Variants in KAZN observed in about 807,000 individuals in gnomAD.
KAZN encodes kazrin.
Under a neutral mutation model 87.4 loss-of-function variants are expected in KAZN, and 40 were observed. The observed-to-expected ratio is 0.46, with a 90% confidence interval of 0.36 to 0.60. The LOEUF (loss-of-function observed/expected upper bound fraction) is 0.60, where lower values mean the gene tolerates loss of function less well. Among genes scored for constraint, KAZN ranks in the 20% least tolerant of loss-of-function variants. The pLI is 0.00. For synonymous variants in KAZN, 466 were observed against 458.3 expected (o/e 1.02, Z -0.22); for missense variants, 898 against 1,073.9 (o/e 0.84, Z 2.29).
At chr1:14,311,399 A>G (rs560694949) in intron 2 of KAZN, among the ~76,000 whole-genome samples, 15 of 152,346 alleles carry the variant, frequency 9.8e-5, no homozygotes, top group African/African-American at 3.4e-4. Context: ...TAAGTTCCCA[A>G]TAAGATGCTT....
At chr1:13,932,102 C>T (rs1640540620) in intron 1 of KAZN, among the ~76,000 whole-genome samples, 1 of 151,072 alleles carries the variant, frequency 6.6e-6, no homozygotes, top group Non-Finnish European at 1.5e-5. Flanking sequence ...AAGTGATACA[C>T]CTGCCTCAGT....
At position 14,949,889 on chromosome 1, in the gene KAZN, A is replaced by G. The variant is rs1001552293; in HGVS notation, c.227-10795A>G. On this transcript the variant is annotated intron_variant, in intron 1 of 14. Transcript: ENST00000376030. This position sits in a 1 kb window ranked among gnomAD's most constrained non-coding sequence, Gnocchi z 4.3. Reference sequence around the variant, plus strand: ...CTCCCCATGGGAACTCTGGGCAGCAAGATGGTAGAAGAGGATCCGCTTGGC... The same window carrying G: ...CTCCCCATGGGAACTCTGGGCAGCAGGATGGTAGAAGAGGATCCGCTTGGC... 1.3e-5 allele frequency among the ~76,000 whole-genome samples: 2 copies of G among 152,062 alleles called. No homozygotes were observed. Among genetic ancestry groups the G allele is most frequent in the African/African-American group, 4.8e-5 (2 of 41,392 alleles).
At chr1:14,460,237 C>T (rs978158650) in intron 2 of KAZN, among the ~76,000 whole-genome samples, 1 of 152,228 alleles carries the variant, frequency 6.6e-6, no homozygotes, top group African/African-American at 2.4e-5. Context: ...TAGTTCCCCT[C>T]TGACTTTTCT....
intron 8 of KAZN, among the ~76,000 whole-genome samples, chr1:15,070,836 G>A (rs2100590181): frequency 6.6e-6 from 1 of 152,184 alleles, no homozygotes; most frequent in South Asian, 2.1e-4. Context: ...GTGAGACCCT[G>A]TCTATTATTT....
Position 14,058,805 on chromosome 1 carries a change from C to T in KAZN, c.92-121630C>T, listed in dbSNP as rs371155679. On this transcript the variant is annotated intron_variant, in intron 1 of 16. Transcript: ENST00000636203. ...AGGTCTCTCTGAGATGATATTTAAG[C>T]TAATATTTGCAGGATGAAAAGGAAC... 3.3e-5 allele frequency among the ~76,000 whole-genome samples: 5 copies of T among 152,272 alleles called. No individual in the cohort carries two copies. In the East Asian group the frequency reaches 7.7e-4, roughly 24 times the overall value.
At chr1:13,968,806 C>A (rs1166344388) in intron 1 of KAZN, among the ~76,000 whole-genome samples, 1 of 127,052 alleles carries the variant, frequency 7.9e-6, no homozygotes, top group East Asian at 3.1e-4. Flanking sequence ...ATTTGAACAT[C>A]TACTCTACAT....
chr1:14,549,083 T>TGATCTTATA (rs1264808878), intron 2 of KAZN, among the ~76,000 whole-genome samples: 8 of 152,278 alleles, frequency 5.3e-5, no homozygotes, highest in African/African-American at 1.9e-4. Context: ...TTTGGTATAC[T>TGATCTTATA]GATCTTATAA....
intron 2 of KAZN, among the ~76,000 whole-genome samples, chr1:14,316,495 A>AT (rs912770462): frequency 8.6e-5 from 13 of 151,632 alleles, no homozygotes; most frequent in African/African-American, 2.7e-4. Flanking sequence ...AACTTTATTG[A>AT]TTTTTTAAAG....
chr1:14,359,105 C>T (rs1033789749), intron 2 of KAZN, among the ~76,000 whole-genome samples: 5 of 152,094 alleles, frequency 3.3e-5, no homozygotes, highest in African/African-American at 4.8e-5. Context: ...TCTGGGTGCT[C>T]CTGTATTGGG....
intron 2 of KAZN, among the ~76,000 whole-genome samples, chr1:14,507,484 G>A (rs1003275915): frequency 4.6e-5 from 7 of 152,186 alleles, no homozygotes; most frequent in Non-Finnish European, 1.0e-4. Flanking sequence ...AAGACCTAAA[G>A]AGCCTGTATT....
intron 2 of KAZN, among the ~76,000 whole-genome samples, chr1:14,526,679 C>T (rs1457789116): frequency 6.6e-6 from 1 of 150,968 alleles, no homozygotes; most frequent in Non-Finnish European, 1.5e-5. Flanking sequence ...TTTTTAAACA[C>T]ATCCCTTGCA....
At chr1:14,925,461 A>G (rs1659072638) in intron 1 of KAZN, among the ~76,000 whole-genome samples, 1 of 152,192 alleles carries the variant, frequency 6.6e-6, no homozygotes, top group Non-Finnish European at 1.5e-5. Flanking sequence ...AGTAATTCAC[A>G]TGCAACACAT....
At chr1:14,690,698 T>C (rs1461597152) in intron 1 of KAZN, among the ~76,000 whole-genome samples, 1 of 152,194 alleles carries the variant, frequency 6.6e-6, no homozygotes, top group Non-Finnish European at 1.5e-5. Flanking sequence ...CAGACCACTA[T>C]TGTATGCCAG....
At chr1:14,293,001 C>T (rs1408433405) in intron 2 of KAZN, among the ~76,000 whole-genome samples, 1 of 152,124 alleles carries the variant, frequency 6.6e-6, no homozygotes, top group Non-Finnish European at 1.5e-5. Context: ...GTGAAGTGGG[C>T]GTGGAGAGGT....
intron 2 of KAZN, among the ~76,000 whole-genome samples, chr1:14,297,933 T>C (rs987180645): frequency 2.0e-5 from 3 of 151,762 alleles, no homozygotes; most frequent in Non-Finnish European, 4.4e-5. Flanking sequence ...CAATAGAAAA[T>C]TGGTTAAATT....
chr1:15,103,917 G>A, intron 12 of KAZN, 106 bp from the exon 13 acceptor site: 1 of 1,163,350 alleles, frequency 8.6e-7, no homozygotes, highest in Non-Finnish European at 1.2e-6. Flanking sequence ...GTCCCCAGGG[G>A]GTCAAGCCCT....
chr1:14,360,808 GA>G (rs1183346254), intron 2 of KAZN, among the ~76,000 whole-genome samples: 1 of 152,264 alleles, frequency 6.6e-6, no homozygotes, highest in African/African-American at 2.4e-5. Flanking sequence ...CCTTCCTCTG[GA>G]AGCTTCGTCC....
intron 8 of KAZN, among the ~76,000 whole-genome samples, chr1:15,083,139 G>A (rs1640085910): frequency 1.3e-5 from 2 of 152,312 alleles, no homozygotes; most frequent in South Asian, 4.1e-4. Context: ...CATTTGAGCA[G>A]CAAGTACCAG....
At chr1:13,959,751 C>T (rs940764117) in intron 1 of KAZN, among the ~76,000 whole-genome samples, 1 of 152,166 alleles carries the variant, frequency 6.6e-6, no homozygotes, top group African/African-American at 2.4e-5. Context: ...TATTTACCTC[C>T]ACCCTGGGAA....
Sources: gnomAD v4.1 joint callset for allele counts (sites outside exome capture counted in the v4.1 genomes callset) on GRCh38, gnomAD v4.1.1 for gene constraint, Gnocchi (gnomAD v3.1) non-coding constraint, MANE v1.5 for transcripts, NCBI Gene and HGNC (gene_info 2026-07-23, HGNC 2026-07-21) for gene names.